The following AKAP19 variants were observed in gnomAD, a reference collection of about 807,000 sequenced individuals.
AKAP19 encodes small A-kinase anchoring protein.
chr2:189,896,582 G>C, the AKAP19 span, among the ~76,000 whole-genome samples: 2 of 152,056 alleles, frequency 1.3e-5, no homozygotes, highest in Non-Finnish European at 2.9e-5. Flanking sequence ...AAAGGAAAAG[G>C]AATCAGATAG....
At chr2:190,089,904 GC>G in the AKAP19 span, among the ~76,000 whole-genome samples, 4 of 152,136 alleles carry the variant, frequency 2.6e-5, no homozygotes, top group East Asian at 7.7e-4. Flanking sequence ...CATATACTAT[GC>G]AAAACCTAAC....
At chr2:189,948,111 C>A in the AKAP19 span, among the ~76,000 whole-genome samples, 7 of 152,240 alleles carry the variant, frequency 4.6e-5, no homozygotes, top group South Asian at 1.2e-3. Flanking sequence ...GTACTAATTA[C>A]TTTATTAATG....
chr2:189,927,004 C>T, the AKAP19 span, among the ~76,000 whole-genome samples: 1 of 152,102 alleles, frequency 6.6e-6, no homozygotes, highest in Admixed American at 6.5e-5. Flanking sequence ...CTACCTCAAC[C>T]TCCCAAGTAG....
chr2:189,942,047 C>T, the AKAP19 span, among the ~76,000 whole-genome samples: 3 of 152,170 alleles, frequency 2.0e-5, no homozygotes, highest in African/African-American at 7.2e-5. Context: ...AAATCAAAGA[C>T]TGTCAAAAGA....
the AKAP19 span, among the ~76,000 whole-genome samples, chr2:190,148,920 A>G: frequency 0.015 from 2,178 of 148,464 alleles, 55 homozygotes; most frequent in African/African-American, 0.051. Context: ...TAATTTTGCT[A>G]ATGGTCTATC....
chr2:189,961,162 A>T, the AKAP19 span, among the ~76,000 whole-genome samples: 1 of 152,184 alleles, frequency 6.6e-6, no homozygotes, highest in African/African-American at 2.4e-5. Flanking sequence ...AGGTCTTCAT[A>T]CCAGTTCCAG....
At chr2:190,090,008 TTTCCCC>T in the AKAP19 span, among the ~76,000 whole-genome samples, 1 of 152,164 alleles carries the variant, frequency 6.6e-6, no homozygotes, top group Admixed American at 6.5e-5. Flanking sequence ...TATATGCCCC[TTTCCCC>T]AAACTACTCT....
At chr2:189,917,160 C>A in the AKAP19 span, 4 of 537,890 alleles carry the variant, frequency 7.4e-6, no homozygotes, top group African/African-American at 4.0e-5. Context: ...ATGATTTAAA[C>A]AAAAGTTTTA....
At chr2:189,911,728 C>T in the AKAP19 span, among the ~76,000 whole-genome samples, 1 of 152,056 alleles carries the variant, frequency 6.6e-6, no homozygotes, top group African/African-American at 2.4e-5. Flanking sequence ...ATTAAGCAGT[C>T]ATTCTTACTG....
the AKAP19 span, among the ~76,000 whole-genome samples, chr2:189,897,781 T>A: frequency 6.6e-6 from 1 of 152,222 alleles, no homozygotes; most frequent in Non-Finnish European, 1.5e-5. Context: ...CTTCTCTTTG[T>A]TTTGAATAAA....
the AKAP19 span, among the ~76,000 whole-genome samples, chr2:190,121,305 G>A: frequency 6.6e-6 from 1 of 151,906 alleles, no homozygotes; most frequent in Non-Finnish European, 1.5e-5. Context: ...TAAGGACAGG[G>A]TCTCTCTATG....
chr2:189,884,765 T>C, the AKAP19 span, among the ~76,000 whole-genome samples: 1 of 152,236 alleles, frequency 6.6e-6, no homozygotes, highest in East Asian at 1.9e-4. Context: ...TTAATGTGCA[T>C]ATGAATCTCT....
the AKAP19 span, among the ~76,000 whole-genome samples, chr2:189,975,910 T>C: frequency 6.6e-6 from 1 of 152,184 alleles, no homozygotes; most frequent in African/African-American, 2.4e-5. Context: ...GTTTTTAGCT[T>C]CTTTGTGTTG....
At chr2:189,989,906 A>T in the AKAP19 span, among the ~76,000 whole-genome samples, 2 of 152,174 alleles carry the variant, frequency 1.3e-5, no homozygotes, top group African/African-American at 4.8e-5. Context: ...GGATTGGAAG[A>T]CAAAATATTG....
chr2:190,020,389 T>C, the AKAP19 span, among the ~76,000 whole-genome samples: 2 of 152,352 alleles, frequency 1.3e-5, no homozygotes, highest in Non-Finnish European at 2.9e-5. Flanking sequence ...TGAATGTCAG[T>C]ATTTATAATA....
the AKAP19 span, chr2:190,060,012 A>G: frequency 6.4e-7 from 1 of 1,563,606 alleles, no homozygotes; most frequent in Non-Finnish European, 8.8e-7. Context: ...TGTTCATATT[A>G]TGAATAAAAA....
the AKAP19 span, among the ~76,000 whole-genome samples, chr2:189,990,947 A>G: frequency 0.01 from 1,554 of 152,254 alleles, 18 homozygotes; most frequent in African/African-American, 0.034. Context: ...TTTATAAGTG[A>G]GAACATACAA....
At chr2:190,034,690 C>T in the AKAP19 span, among the ~76,000 whole-genome samples, 23 of 150,856 alleles carry the variant, frequency 1.5e-4, no homozygotes, top group Middle Eastern at 3.4e-3. Context: ...ACTAAAAATA[C>T]AAAAAATTAG....
At chr2:190,029,657 A>G in the AKAP19 span, among the ~76,000 whole-genome samples, 2 of 152,188 alleles carry the variant, frequency 1.3e-5, no homozygotes, top group Non-Finnish European at 2.9e-5. Context: ...TCTCTGTCAT[A>G]TTACTCAACT....
Sources: gnomAD v4.1 joint callset for allele counts (sites outside exome capture counted in the v4.1 genomes callset) on GRCh38, gnomAD v4.1.1 for gene constraint, MANE v1.5 for transcripts, NCBI Gene and HGNC (gene_info 2026-07-23, HGNC 2026-07-21) for gene names.